NDST4: variants seen among roughly 807,000 people sequenced by gnomAD.
NDST4 encodes the protein N-heparan sulfate sulfotransferase 4.
Under a neutral mutation model 100.8 loss-of-function variants are expected in NDST4, and 63 were observed. That is an observed-to-expected ratio of 0.62 (90% CI 0.51 to 0.77). The LOEUF (loss-of-function observed/expected upper bound fraction) is 0.77, where lower values mean the gene tolerates loss of function less well. NDST4 is among the 30% of genes least tolerant of loss of function. The pLI is 0.00. For missense variants in NDST4, 943 were observed against 1,018.4 expected (o/e 0.93, Z 1.01); for synonymous variants, 377 against 361.8 (o/e 1.04, Z -0.48).
At chr4:114,980,013 A>G (rs1385076317) in intron 2 of NDST4, among the ~76,000 whole-genome samples, 1 of 152,152 alleles carries the variant, frequency 6.6e-6, no homozygotes, top group Non-Finnish European at 1.5e-5. Context: ...ACTAAAAAAA[A>G]TCAGAAATAA....
At chr4:114,953,449 A>C (rs992025368) in intron 4 of NDST4, among the ~76,000 whole-genome samples, 2 of 152,130 alleles carry the variant, frequency 1.3e-5, no homozygotes, top group Non-Finnish European at 2.9e-5. Flanking sequence ...GAGGAAGTAG[A>C]AACAGTAGAC....
chr4:115,091,062 C>T (rs754063343), intron 1 of NDST4, among the ~76,000 whole-genome samples: 73 of 151,952 alleles, frequency 4.8e-4, no homozygotes, highest in Non-Finnish European at 9.6e-4. Context: ...TAATATTCTG[C>T]TAATTTTTGT....
intron 2 of NDST4, among the ~76,000 whole-genome samples, chr4:114,986,832 A>ATATATATATATATATATTTTT: frequency 2.1e-5 from 2 of 94,654 alleles, no homozygotes; most frequent in African/African-American, 3.7e-5. Flanking sequence ...ATATATATAT[A>ATATATATATATATATATTTTT]TTTTAATATA....
intron 2 of NDST4, among the ~76,000 whole-genome samples, chr4:114,991,189 C>T (rs927488316): frequency 6.6e-6 from 1 of 151,958 alleles, no homozygotes; most frequent in Non-Finnish European, 1.5e-5. Flanking sequence ...ATCAATCTCT[C>T]GAGACCATGG....
At chr4:115,022,959 A>G (rs955588439) in intron 2 of NDST4, among the ~76,000 whole-genome samples, 1 of 152,184 alleles carries the variant, frequency 6.6e-6, no homozygotes. Flanking sequence ...AGCTTCGGGT[A>G]TGTTTTTATC....
intron 6 of NDST4, among the ~76,000 whole-genome samples, chr4:114,886,085 G>T (rs1485309524): frequency 6.6e-6 from 1 of 152,016 alleles, no homozygotes; most frequent in Non-Finnish European, 1.5e-5. Flanking sequence ...CCAACAGAAA[G>T]TTATGCTATA....
intron 2 of NDST4, 42 bp from the exon 3 acceptor site, chr4:114,977,316 T>A (rs750950372): frequency 7.1e-7 from 1 of 1,404,152 alleles, no homozygotes; most frequent in Admixed American, 1.8e-5. Flanking sequence ...GAAAAATAAA[T>A]ATGAAGTTTT....
intron 2 of NDST4, among the ~76,000 whole-genome samples, chr4:115,062,118 CA>C (rs1728837424): frequency 2.0e-5 from 3 of 151,726 alleles, no homozygotes; most frequent in African/African-American, 7.3e-5. Flanking sequence ...GGAGAGAAAA[CA>C]AAAATGAACA....
Position 115,076,237 on chromosome 4 carries a change from T to C in NDST4, c.800A>G (p.Gln267Arg). ...CAAGTTGTTGCCAAAAAGTACTCTC[T>C]GAATTCCATCATGAAGCCCCAGATC... ...IQDLGLHDGI[Q>R]RVLFGNNLNF... Residue 267 changes from glutamine to arginine, a missense_variant, in exon 2 of 14, where the codon CAG becomes CGG. Coordinates refer to ENST00000264363, the MANE Select transcript of NDST4 (RefSeq NM_022569.3). 6.2e-7 allele frequency: 1 copy of C among 1,614,018 alleles called. No individual in the cohort carries two copies. Among genetic ancestry groups the C allele is most frequent in the Non-Finnish European group, 8.5e-7 (1 of 1,179,940 alleles).
chr4:114,879,446 C>T (rs1185773917), intron 6 of NDST4, among the ~76,000 whole-genome samples: 1 of 152,030 alleles, frequency 6.6e-6, no homozygotes, highest in Non-Finnish European at 1.5e-5. Flanking sequence ...TTGTTTTTCC[C>T]CTCCTCTACA....
chr4:115,065,141 G>A (rs1728919689), intron 2 of NDST4, among the ~76,000 whole-genome samples: 1 of 151,928 alleles, frequency 6.6e-6, no homozygotes, highest in South Asian at 2.1e-4. Flanking sequence ...CTTCTGCGAG[G>A]ACTTTCCTGA....
chr4:114,839,290 G>A (rs538747554), intron 11 of NDST4, 88 bp downstream of exon 11: 3 of 1,276,872 alleles, frequency 2.3e-6, no homozygotes, highest in Non-Finnish European at 3.2e-6. Flanking sequence ...ATAAGCAGAA[G>A]AAAGTAATTT....
intron 6 of NDST4, among the ~76,000 whole-genome samples, chr4:114,874,721 G>A (rs1482649633): frequency 6.6e-6 from 1 of 152,124 alleles, no homozygotes; most frequent in Non-Finnish European, 1.5e-5. Context: ...GAGTATAGGT[G>A]TATAAGACAA....
chr4:114,957,546 A>G (rs927192339), intron 4 of NDST4, among the ~76,000 whole-genome samples: 1 of 152,202 alleles, frequency 6.6e-6, no homozygotes, highest in Non-Finnish European at 1.5e-5. Context: ...GGCCTCTCCC[A>G]AATTTCATGT....
intron 2 of NDST4, among the ~76,000 whole-genome samples, chr4:115,046,640 A>G (rs932293835): frequency 2.0e-5 from 3 of 152,050 alleles, no homozygotes; most frequent in Non-Finnish European, 4.4e-5. Flanking sequence ...TGTGTGTATC[A>G]GATAGATGAT....
intron 2 of NDST4, among the ~76,000 whole-genome samples, chr4:114,981,143 C>G (rs1021242427): frequency 1.3e-5 from 2 of 151,522 alleles, no homozygotes; most frequent in Non-Finnish European, 2.9e-5. Context: ...TCACTTTAGC[C>G]CAGGAGTTTG....
chr4:114,935,157 C>A, intron 6 of NDST4, 49 bp downstream of exon 6: 1 of 1,348,998 alleles, frequency 7.4e-7, no homozygotes, highest in Non-Finnish European at 9.7e-7. Context: ...AAATAAAACA[C>A]ATTTAAAAAT....
intron 1 of NDST4, among the ~76,000 whole-genome samples, chr4:115,107,148 A>G (rs961286845): frequency 3.3e-5 from 5 of 152,066 alleles, no homozygotes; most frequent in Admixed American, 6.6e-5. Context: ...CAGACAGTGC[A>G]AGAGCCTATC....
intron 2 of NDST4, among the ~76,000 whole-genome samples, chr4:115,039,801 T>C (rs955316758): frequency 5.3e-5 from 8 of 152,098 alleles, no homozygotes; most frequent in African/African-American, 1.7e-4. Context: ...CACACACATA[T>C]ATACTTACAT....
Sources: gnomAD v4.1 joint callset for allele counts (sites outside exome capture counted in the v4.1 genomes callset) on GRCh38, gnomAD v4.1.1 for gene constraint, MANE v1.5 for transcripts, NCBI Gene and HGNC (gene_info 2026-07-23, HGNC 2026-07-21) for gene names.